The following MID1 variants were observed in gnomAD, a reference collection of about 807,000 sequenced individuals.
MID1 encodes E3 ubiquitin-protein ligase Midline-1.
In MID1, 7 loss-of-function variants were observed where a neutral mutation model predicts 40.4. That is an observed-to-expected ratio of 0.17 (90% confidence interval 0.10 to 0.33). The LOEUF (loss-of-function observed/expected upper bound fraction) is 0.33, where lower values mean the gene tolerates loss of function less well. MID1 is among the 10% of genes least tolerant of loss of function. The probability of loss-of-function intolerance (pLI) is 1.00; values close to 1 mark genes in which losing one functional copy is unlikely to be tolerated. For synonymous variants in MID1, 229 were observed against 221.2 expected (o/e 1.04, Z -0.31); for missense variants, 367 against 558.5 (o/e 0.66, Z 3.46).
intron 2 of MID1, among the ~76,000 whole-genome samples, chrX:10,554,933 T>A (rs185160255): frequency 2.8e-4 from 31 of 112,076 alleles, no homozygotes; most frequent in African/African-American, 9.7e-4. Flanking sequence ...AGGATATTCA[T>A]CCTAACACCT....
At chrX:10,457,721 C>G (rs766996553) in intron 8 of MID1, among the ~76,000 whole-genome samples, 1 of 112,375 alleles carries the variant, frequency 8.9e-6, no homozygotes, top group Non-Finnish European at 1.9e-5. Context: ...TGGTGTGGCC[C>G]AGGAGGCTTT....
chrX:10,557,657 T>C (rs1046949646), intron 2 of MID1, among the ~76,000 whole-genome samples: 4 of 112,224 alleles, frequency 3.6e-5, no homozygotes, highest in African/African-American at 9.7e-5. Context: ...TTTTGGTTTA[T>C]AGTGGGCATT....
At chrX:10,635,078 A>C (rs1308828629) in intron 1 of MID1, among the ~76,000 whole-genome samples, 1 of 112,561 alleles carries the variant, frequency 8.9e-6, no homozygotes, top group African/African-American at 3.2e-5. Context: ...ATGATGGTTT[A>C]ATAAGGTATT....
At chrX:10,797,293 T>G (rs2043973930) in intron 1 of MID1, among the ~76,000 whole-genome samples, 1 of 111,627 alleles carries the variant, frequency 9.0e-6, no homozygotes, top group Non-Finnish European at 1.9e-5. Flanking sequence ...ATTGGGCCTG[T>G]CCAGCAGAGC....
chrX:10,823,822 T>A (rs1229614746), intron 1 of MID1, among the ~76,000 whole-genome samples: 1 of 111,431 alleles, frequency 9.0e-6, no homozygotes, highest in Non-Finnish European at 1.9e-5. Context: ...GAAGCGACAA[T>A]ACAGATTAAT....
At chrX:10,729,813 G>A (rs978820993) in intron 1 of MID1, among the ~76,000 whole-genome samples, 7 of 111,745 alleles carry the variant, frequency 6.3e-5, no homozygotes, top group East Asian at 2.8e-4. Flanking sequence ...GGCCGGGGGC[G>A]GTGGCTCACG....
intron 1 of MID1, among the ~76,000 whole-genome samples, chrX:10,586,327 T>C (rs1036999636): frequency 1.8e-5 from 2 of 111,552 alleles, no homozygotes; most frequent in African/African-American, 6.5e-5. Flanking sequence ...ATGGACCAGT[T>C]AGCTTCTGGG....
chrX:10,776,208 G>T (rs113387261), intron 1 of MID1, among the ~76,000 whole-genome samples: 4,835 of 111,365 alleles, frequency 0.043, 235 homozygotes, highest in African/African-American at 0.15. Flanking sequence ...TTGATAATAT[G>T]CCAAGGTAGG....
chrX:10,479,284 A>G (rs1930187278), intron 5 of MID1, among the ~76,000 whole-genome samples: 1 of 112,167 alleles, frequency 8.9e-6, no homozygotes. Context: ...AATGTGAAAT[A>G]AGCACATCAC....
At chrX:10,754,318 TTTTTG>T (rs1450667926) in intron 1 of MID1, among the ~76,000 whole-genome samples, 6 of 106,467 alleles carry the variant, frequency 5.6e-5, no homozygotes, top group African/African-American at 1.9e-4. Context: ...TGTTTTTTGT[TTTTTG>T]TTTTTTTTGT....
chrX:10,661,077 T>C (rs1226841120), intron 1 of MID1, among the ~76,000 whole-genome samples: 1 of 111,625 alleles, frequency 9.0e-6, no homozygotes, highest in Admixed American at 9.5e-5. Flanking sequence ...CCTTTAATAA[T>C]AAAAGCTTGA....
intron 1 of MID1, among the ~76,000 whole-genome samples, chrX:10,827,841 C>T (rs906783498): frequency 1.8e-5 from 2 of 110,981 alleles, no homozygotes; most frequent in African/African-American, 6.5e-5. Context: ...ACAGATACAA[C>T]GACTCAGTTG....
chrX:10,451,940 T>A (rs921299891), intron 9 of MID1, among the ~76,000 whole-genome samples: 5 of 112,060 alleles, frequency 4.5e-5, no homozygotes, highest in African/African-American at 9.7e-5. Context: ...AAGGTTTTCA[T>A]TTTGCAATTG....
At position 10,462,622 on chromosome X, in the gene MID1, T is replaced by G. The variant is rs1233497777; in HGVS notation, c.1286-2815A>C. On this transcript the variant is annotated intron_variant, in intron 7 of 9. Transcript: ENST00000317552. ...AGCTTGGAAAATAATTTGTCCACAA[T>G]GAAACCTAATTAATTGAGTTTTTTG... is the stretch of plus-strand genomic sequence containing the variant. Among the ~76,000 whole-genome samples, 3 of 112,162 alleles carry G rather than the reference T, an allele frequency of 2.7e-5. No individual in the cohort carries two copies. The East Asian group carries it at 8.3e-4, about 31-fold the overall frequency.
In MID1 at chrX:10,506,711, T is replaced by C. The variant is rs1228842768; in HGVS notation, c.757-11020A>G. On this transcript the variant is annotated intron_variant, in intron 3 of 9. Transcript: ENST00000317552. ...CTAGAGGAGACTACAATATAACCAT[T>C]TTGAGCTCTCATGGAGGACAGAGAG... Among the ~76,000 whole-genome samples, 3 of 111,376 alleles carry C rather than the reference T, an allele frequency of 2.7e-5. No homozygotes were observed. In the East Asian group the frequency reaches 8.5e-4, roughly 31 times the overall value.
chrX:10,771,658 ATTTTTTTTTTT>A (rs765034374), intron 1 of MID1, among the ~76,000 whole-genome samples: 2 of 82,303 alleles, frequency 2.4e-5, no homozygotes, highest in Admixed American at 1.4e-4. Context: ...TGCCTGGCTA[ATTTTTTTTTTT>A]TTTTTTTTTT....
In MID1 at chrX:10,448,536, A is replaced by G. The variant is rs1352447651; in HGVS notation, c.*832T>C. The G allele has an allele frequency of 8.9e-6, 1 of 112,292 alleles. No individual in the cohort carries two copies. The highest frequency in any genetic ancestry group is 3.2e-5 in the African/African-American group (1 of 30,886). The allele number at this position is 112,292 out of a possible 1,213,427, so 9.3% of individuals were successfully genotyped here. On this transcript the variant is annotated 3_prime_UTR_variant, in exon 10 of 10. Transcript: ENST00000317552. ...GGAAGGATAAAGTAGATTCTATACT[A>G]TAAAACAGAATCCTACCTCTGATAA...
upstream of MID1, among the ~76,000 whole-genome samples, chrX:10,625,268 T>G (rs1935984064): frequency 9.0e-6 from 1 of 111,634 alleles, no homozygotes; most frequent in African/African-American, 3.3e-5. Context: ...TAATGGGGTG[T>G]GGCCCACCTA....
intron 8 of MID1, among the ~76,000 whole-genome samples, chrX:10,455,846 TACTC>T (rs1928631282): frequency 8.9e-6 from 1 of 112,207 alleles, no homozygotes; most frequent in African/African-American, 3.2e-5. Context: ...TCTATTTCAT[TACTC>T]ACATTTGTGT....
Sources: allele counts gnomAD v4.1 joint callset (sites outside exome capture counted in the v4.1 genomes callset), GRCh38; gene constraint gnomAD v4.1.1; transcripts MANE v1.5; gene names NCBI Gene and HGNC (gene_info 2026-07-23, HGNC 2026-07-21).